The following XKR6 variants were observed in gnomAD, a reference collection of about 807,000 sequenced individuals.
XKR6 encodes the protein XK related 6.
XKR6 carries 22 observed loss-of-function variants against 56.7 expected under a neutral mutation model. The observed-to-expected ratio is 0.39, with a 90% CI of 0.28 to 0.55. The LOEUF (loss-of-function observed/expected upper bound fraction) is 0.55. XKR6 is among the 20% of genes least tolerant of loss of function. The probability of loss-of-function intolerance (pLI) is 0.66; values close to 1 mark genes in which losing one functional copy is unlikely to be tolerated. For missense variants in XKR6, 852 were observed against 889.0 expected (o/e 0.96, Z 0.53); for synonymous variants, 524 against 387.8 (o/e 1.35, Z -4.13).
rs112623613 is a variant in XKR6, at chr8:11,000,607, C to A, written c.765-75777G>T. ...GGCTGAGGTGGGAGAATTGCTTCAA[C>A]CCAGGAGGCAGAGATTGCAGTGAGC... On this transcript the variant is annotated intron_variant, in intron 1 of 2. Coordinates refer to ENST00000416569, the MANE Select transcript of XKR6 (RefSeq NM_173683.4). 1.5e-3 allele frequency among the ~76,000 whole-genome samples: 231 copies of A among 152,286 alleles called. 3 individuals carry two copies. Among genetic ancestry groups the A allele is most frequent in the African/African-American group, 5.3e-3 (222 of 41,558 alleles).
chr8:11,042,517 T>C (rs749605716), intron 1 of XKR6, among the ~76,000 whole-genome samples: 3 of 152,222 alleles, frequency 2.0e-5, no homozygotes, highest in African/African-American at 2.4e-5. Context: ...CTTTGCTCCT[T>C]CTTTGCCTTC....
intron 1 of XKR6, among the ~76,000 whole-genome samples, chr8:11,101,250 T>C (rs994142002): frequency 3.9e-5 from 6 of 152,126 alleles, no homozygotes; most frequent in African/African-American, 9.7e-5. Context: ...GAGTCAAAAA[T>C]TGGAAAGAAC....
chr8:10,938,242 C>T (rs1183316693), intron 1 of XKR6, among the ~76,000 whole-genome samples: 1 of 152,212 alleles, frequency 6.6e-6, no homozygotes, highest in East Asian at 1.9e-4. Flanking sequence ...TGAGACAATG[C>T]CTCGCCCTGC....
chr8:11,172,242 C>G lies in XKR6; in HGVS notation c.764+28334G>C, dbSNP rs34246803. Reference sequence around the variant, plus strand: ...AAAATTAGCGTGGCATTATTGTGCACGCCTGTAATCCCAGCTACTCGGGAG... The same window carrying G: ...AAAATTAGCGTGGCATTATTGTGCAGGCCTGTAATCCCAGCTACTCGGGAG... On this transcript the variant is annotated intron_variant, in intron 1 of 2. Coordinates refer to ENST00000416569, the MANE Select transcript of XKR6 (RefSeq NM_173683.4). Among the ~76,000 whole-genome samples the G allele has an allele frequency of 8.2e-3, 1,253 of 151,892 alleles. 20 individuals carry two copies. Among genetic ancestry groups the G allele is most frequent in the African/African-American group, 0.029 (1,183 of 41,360 alleles).
rs145683418 is a variant in XKR6 at position 10,922,265 on chromosome 8, G to C, written c.961+2369C>G. On this transcript the variant is annotated intron_variant, in intron 2 of 2. Transcript: ENST00000416569. ...TTGAGAAAAAGAAGGACTCAGATGG[G>C]AGAGAAAGGTGTCCCTCTCCAGTGC... Among the ~76,000 whole-genome samples the C allele has an allele frequency of 1.9e-3, 288 of 152,374 alleles. 3 individuals are homozygous for C. The highest frequency in any genetic ancestry group is 6.7e-3 in the African/African-American group (280 of 41,596).
intron 1 of XKR6, among the ~76,000 whole-genome samples, chr8:11,057,035 T>G (rs952143632): frequency 2.0e-5 from 3 of 152,198 alleles, no homozygotes; most frequent in Admixed American, 6.5e-5. Context: ...GCGTACAAGG[T>G]GCAGCCATGT....
At chr8:11,153,737 T>A (rs1056145658) in intron 1 of XKR6, among the ~76,000 whole-genome samples, 25 of 152,322 alleles carry the variant, frequency 1.6e-4, no homozygotes, top group African/African-American at 5.5e-4. Context: ...GAGATCTCCA[T>A]TCTTTGATCT....
chr8:10,907,525 A>G (rs1388511555), intron 2 of XKR6, among the ~76,000 whole-genome samples: 1 of 152,210 alleles, frequency 6.6e-6, no homozygotes, highest in African/African-American at 2.4e-5. Flanking sequence ...GCAGCAGCAG[A>G]CTGATTTCAA....
chr8:11,098,150 G>A (rs1033497327), intron 1 of XKR6, among the ~76,000 whole-genome samples: 1 of 152,020 alleles, frequency 6.6e-6, no homozygotes. Context: ...AGAATCCCAC[G>A]ACCCACTCCA....
At chr8:11,019,998 C>T (rs1254004411) in intron 1 of XKR6, among the ~76,000 whole-genome samples, 5 of 152,142 alleles carry the variant, frequency 3.3e-5, no homozygotes, top group Non-Finnish European at 5.9e-5. Context: ...GGCACTCTTC[C>T]CCCAGGAAGG....
chr8:11,033,412 A>G (rs1329004838), intron 1 of XKR6, among the ~76,000 whole-genome samples: 2 of 109,298 alleles, frequency 1.8e-5, no homozygotes, highest in Non-Finnish European at 4.5e-5. Context: ...AGTGATGGTG[A>G]TGATGATGAT....
At chr8:11,127,893 G>A (rs897918066) in intron 1 of XKR6, among the ~76,000 whole-genome samples, 1 of 152,166 alleles carries the variant, frequency 6.6e-6, no homozygotes, top group Non-Finnish European at 1.5e-5. Flanking sequence ...ATTTAATGAA[G>A]CAATACGATT....
intron 1 of XKR6, among the ~76,000 whole-genome samples, chr8:11,039,547 G>A (rs1211974190): frequency 6.6e-6 from 1 of 152,192 alleles, no homozygotes; most frequent in Non-Finnish European, 1.5e-5. Flanking sequence ...CCATGGCTGG[G>A]GCCACCAAAG....
chr8:11,077,095 G>A (rs768094082), intron 1 of XKR6, among the ~76,000 whole-genome samples: 15 of 152,102 alleles, frequency 9.9e-5, no homozygotes, highest in Non-Finnish European at 1.6e-4. Context: ...AGGATCACTT[G>A]AGCCTCAGGA....
chr8:11,115,598 C>A (rs1410731373), intron 1 of XKR6, among the ~76,000 whole-genome samples: 2 of 151,762 alleles, frequency 1.3e-5, no homozygotes, highest in Non-Finnish European at 2.9e-5. Context: ...TCTACATATA[C>A]CAATGACATT....
At chr8:11,061,665 T>G (rs758371110) in intron 1 of XKR6, among the ~76,000 whole-genome samples, 6 of 152,114 alleles carry the variant, frequency 3.9e-5, no homozygotes, top group Non-Finnish European at 5.9e-5. Flanking sequence ...GGAGGGCATG[T>G]CCTGGGGGCT....
At position 11,124,923 on chromosome 8, in the gene XKR6, T is replaced by TA. The variant is rs750680238; in HGVS notation, c.764+75652dup. 5.3e-3 allele frequency: 629 copies of TA among 119,618 alleles called. 5 individuals carry two copies. The highest frequency in any genetic ancestry group is 0.02 in the Admixed American group (248 of 12,242). The allele number at this position is 119,618 out of a possible 1,614,324, so 7.4% of individuals were successfully genotyped here. A position where few individuals can be genotyped will look rare whatever the true frequency, so the allele number is the denominator to read the frequency against. On this transcript the variant is annotated intron_variant, in intron 1 of 2. Coordinates refer to ENST00000416569, the MANE Select transcript of XKR6 (RefSeq NM_173683.4). ...CACGGTGAAACCCCGTCACTACTAT[T>TA]AAAAAAAAAAAAAAAATTAGCCGGG...
At chr8:11,092,745 G>C (rs1253336193) in intron 1 of XKR6, among the ~76,000 whole-genome samples, 1 of 152,216 alleles carries the variant, frequency 6.6e-6, no homozygotes, top group East Asian at 1.9e-4. Context: ...GGCCAGAAAA[G>C]AACTCAGAAT....
intron 1 of XKR6, chr8:11,113,996 G>C (rs1563145654): frequency 2.1e-5 from 8 of 387,206 alleles, no homozygotes; most frequent in Middle Eastern, 3.7e-4. Flanking sequence ...GGCTGAAGTG[G>C]TTTCAGGACG....
Sources: gnomAD v4.1 joint callset for allele counts (sites outside exome capture counted in the v4.1 genomes callset) on GRCh38, gnomAD v4.1.1 for gene constraint, MANE v1.5 for transcripts, NCBI Gene and HGNC (gene_info 2026-07-23, HGNC 2026-07-21) for gene names.